SHTN1: variants seen among roughly 807,000 people sequenced by gnomAD.
The protein encoded by SHTN1 is shootin 1.
In SHTN1, 42 loss-of-function variants were observed where a neutral mutation model predicts 83.1. The observed-to-expected ratio is 0.51, with a 90% CI of 0.39 to 0.65. The LOEUF (loss-of-function observed/expected upper bound fraction) is 0.65, where lower values mean the gene tolerates loss of function less well. Ranked by LOEUF, SHTN1 falls within the 30% of genes least tolerant of loss-of-function variation. The pLI is 0.00. For synonymous variants in SHTN1, 224 were observed against 247.7 expected (o/e 0.90, Z 0.90); for missense variants, 622 against 737.8 (o/e 0.84, Z 1.82).
In SHTN1 at chr10:116,959,262, CTTAG is replaced by C. The variant is rs1462935445; in HGVS notation, c.267+870_267+873del. 3.3e-5 allele frequency among the ~76,000 whole-genome samples: 5 copies of C among 152,230 alleles called. No individual in the cohort carries two copies. In the East Asian group the frequency reaches 9.7e-4, roughly 29 times the overall value. ...GAAGTTACATACCCAAATTTATATT[CTTAG>C]TTAGGTCCTGATTAAATATCTTATG... is the stretch of plus-strand genomic sequence containing the variant. On this transcript the variant is annotated intron_variant, in intron 4 of 16. Transcript: ENST00000355371.
intron 1 of SHTN1, among the ~76,000 whole-genome samples, chr10:117,060,722 G>A (rs961695518): frequency 1.3e-5 from 2 of 152,184 alleles, no homozygotes; most frequent in African/African-American, 4.8e-5. Context: ...ATTTCAACCA[G>A]ATGATACTAT....
chr10:116,938,163 T>C (rs1849241013), intron 9 of SHTN1, among the ~76,000 whole-genome samples: 1 of 152,036 alleles, frequency 6.6e-6, no homozygotes, highest in African/African-American at 2.4e-5. Context: ...AGCCTACTTC[T>C]GTCAATTTGT....
At chr10:117,078,777 T>A (rs905512239) in intron 1 of SHTN1, among the ~76,000 whole-genome samples, 11 of 151,868 alleles carry the variant, frequency 7.2e-5, no homozygotes, top group East Asian at 1.9e-4. Flanking sequence ...ATAAATAAAT[T>A]ATTTATTTAA....
chr10:117,049,527 G>C (rs1298065051), intron 1 of SHTN1, among the ~76,000 whole-genome samples: 1 of 152,326 alleles, frequency 6.6e-6, no homozygotes, highest in Non-Finnish European at 1.5e-5. Context: ...AAGAGAAGGA[G>C]TATGTCTGTT....
chr10:116,963,869 C>G (rs1850295456), intron 3 of SHTN1, among the ~76,000 whole-genome samples: 1 of 151,936 alleles, frequency 6.6e-6, no homozygotes, highest in Non-Finnish European at 1.5e-5. Flanking sequence ...AGTATTGTTT[C>G]TATTAGTCTA....
intron 5 of SHTN1, among the ~76,000 whole-genome samples, chr10:116,953,423 C>T (rs1287239899): frequency 6.6e-6 from 1 of 152,052 alleles, no homozygotes; most frequent in African/African-American, 2.4e-5. Flanking sequence ...TTCAAAAGTG[C>T]TTAATTCCAA....
At chr10:117,044,770 A>C (rs1357707584) in intron 2 of SHTN1, among the ~76,000 whole-genome samples, 1 of 152,122 alleles carries the variant, frequency 6.6e-6, no homozygotes, top group Non-Finnish European at 1.5e-5. Context: ...GTATGGTCAA[A>C]ATATTTTGAT....
At position 116,982,623 on chromosome 10, in the gene SHTN1, A is replaced by G. The variant is rs141613927; in HGVS notation, c.59-3315T>C. 5.3e-3 allele frequency among the ~76,000 whole-genome samples: 801 copies of G among 152,278 alleles called. 10 individuals carry two copies. The highest frequency in any genetic ancestry group is 0.018 in the African/African-American group (763 of 41,558). ...GAGCTTGCACAGCTCAAGTGATTCC[A>G]TCAGAGACATCCTCCAAATCCTGAA... On this transcript the variant is annotated intron_variant, in intron 1 of 16. Coordinates refer to ENST00000355371, the MANE Select transcript of SHTN1 (RefSeq NM_001127211.3).
At chr10:116,987,879 C>T (rs1851276637) in intron 1 of SHTN1, among the ~76,000 whole-genome samples, 1 of 150,512 alleles carries the variant, frequency 6.6e-6, no homozygotes, top group Non-Finnish European at 1.5e-5. Flanking sequence ...CATGCCACTG[C>T]ACTCCAATCT....
At chr10:116,978,850 A>G (rs1014569862) in intron 2 of SHTN1, among the ~76,000 whole-genome samples, 8 of 152,222 alleles carry the variant, frequency 5.3e-5, no homozygotes, top group Admixed American at 5.2e-4. Context: ...GGGGCGAAAC[A>G]CCAATGACTA....
chr10:117,052,020 A>ATATATATATATATATATATGTG (rs1280560233), intron 1 of SHTN1, among the ~76,000 whole-genome samples: 1 of 137,982 alleles, frequency 7.2e-6, no homozygotes, highest in African/African-American at 2.6e-5. Context: ...ATATATATAT[A>ATATATATATATATATATATGTG]TAGAAAAGCC....
chr10:116,939,017 C>T (rs904045810), intron 9 of SHTN1, among the ~76,000 whole-genome samples: 10 of 152,212 alleles, frequency 6.6e-5, no homozygotes, highest in Admixed American at 3.3e-4. Context: ...CCCTGCCCCC[C>T]ACCAAGCTCG....
Position 117,121,988 on chromosome 10 carries a change from C to T in SHTN1, c.-189+4319G>A, listed in dbSNP as rs545871032. On this transcript the variant is annotated intron_variant, in intron 1 of 17. Coordinates refer to the SHTN1 transcript ENST00000392901. ...AGAAGCTTGCAATGAGCTGAGATCGCGCCACTGCACTCCAGCCTGGGCGAC... is the reference window on the plus strand; with the variant it reads ...AGAAGCTTGCAATGAGCTGAGATCGTGCCACTGCACTCCAGCCTGGGCGAC... 3.6e-4 allele frequency among the ~76,000 whole-genome samples: 55 copies of T among 151,460 alleles called. 1 individual carries two copies. The East Asian group carries it at 9.8e-3, about 27-fold the overall frequency.
chr10:117,062,687 G>A (rs959382286), intron 1 of SHTN1, among the ~76,000 whole-genome samples: 1 of 151,980 alleles, frequency 6.6e-6, no homozygotes, highest in Non-Finnish European at 1.5e-5. Flanking sequence ...TTCAACAAAG[G>A]GTAACTATTA....
chr10:117,061,043 C>A (rs945316953), intron 1 of SHTN1, among the ~76,000 whole-genome samples: 4 of 152,048 alleles, frequency 2.6e-5, no homozygotes, highest in African/African-American at 9.7e-5. Context: ...CAAAATGGTC[C>A]ACCTTTGCTG....
chr10:117,062,838 A>AT (rs1454433968), intron 1 of SHTN1, among the ~76,000 whole-genome samples: 1 of 152,192 alleles, frequency 6.6e-6, no homozygotes, highest in African/African-American at 2.4e-5. Context: ...TGGTCAATAA[A>AT]TTTAGAATTA....
At chr10:116,956,486 C>T (rs1849983444) in intron 4 of SHTN1, among the ~76,000 whole-genome samples, 1 of 152,098 alleles carries the variant, frequency 6.6e-6, no homozygotes. Context: ...TAGTAACTGC[C>T]ACACAGTAAA....
At chr10:116,983,707 CAT>C (rs1433336142) in intron 1 of SHTN1, among the ~76,000 whole-genome samples, 119 of 151,684 alleles carry the variant, frequency 7.8e-4, no homozygotes, top group Non-Finnish European at 1.3e-3. Context: ...TACATACATA[CAT>C]ACATACATAC....
chr10:116,961,220 T>C (rs1406628591), intron 3 of SHTN1, among the ~76,000 whole-genome samples: 1 of 152,124 alleles, frequency 6.6e-6, no homozygotes, highest in Non-Finnish European at 1.5e-5. Context: ...TTTTGCTTCA[T>C]TTAAGCTTAA....
Sources: gnomAD v4.1 joint callset for allele counts (sites outside exome capture counted in the v4.1 genomes callset) on GRCh38, gnomAD v4.1.1 for gene constraint, MANE v1.5 for transcripts, NCBI Gene and HGNC (gene_info 2026-07-23, HGNC 2026-07-21) for gene names.